Variants in CUX2 observed in about 807,000 individuals in gnomAD.
CUX2 encodes the protein cut like homeobox 2.
CUX2 carries 40 observed loss-of-function variants against 144.8 expected under a neutral mutation model. The observed-to-expected ratio is 0.28, with a 90% CI of 0.21 to 0.36. CUX2 has a LOEUF of 0.36. Among genes scored for constraint, CUX2 ranks in the 10% least tolerant of loss-of-function variants. The pLI is 1.00. For missense variants in CUX2, 1,615 were observed against 1,994.0 expected, an observed-to-expected ratio of 0.81 and a Z score of 3.62; for synonymous variants, 827 against 875.6, an observed-to-expected ratio of 0.94 and a Z score of 0.98.
At position 111,037,080 on chromosome 12, in the gene CUX2, G is replaced by A. The variant is rs1272036083; in HGVS notation, c.63+2840G>A. ...TCTTATAGGGGAGATAGCCAGAAAG[G>A]AGAACTTCTGCCGGCTTTTTCTGAG... On this transcript the variant is annotated intron_variant, in intron 1 of 21. Coordinates refer to ENST00000261726, the MANE Select transcript of CUX2 (RefSeq NM_015267.4). This position sits in a 1 kb window ranked among gnomAD's most constrained non-coding sequence, Gnocchi z 5.4. 6.6e-6 allele frequency among the ~76,000 whole-genome samples: 1 copy of A among 152,200 alleles called. No individual in the cohort carries two copies. Among genetic ancestry groups the A allele is most frequent in the Non-Finnish European group, 1.5e-5 (1 of 68,038 alleles).
chr12:111,320,671 T>C lies in CUX2; in HGVS notation c.2662T>C (p.Tyr888His). The C allele has an allele frequency of 1.3e-6, 2 of 1,597,110 alleles. No individual in the cohort carries two copies. Among genetic ancestry groups the C allele is most frequent in the South Asian group, 1.1e-5 (1 of 90,892 alleles). The change falls in exon 17 of 22, where the codon TAC becomes CAC. Residue 888 changes from tyrosine (Y) to histidine (H), a missense_variant. By Grantham distance (83) the Tyr-to-His change is moderately conservative. Transcript: ENST00000261726. The surrounding 1 kb of genome is among the most constrained non-coding windows in gnomAD (Gnocchi z 8.1). ...CGTGCCGCCGCTGACCCCCGAGCAGTACGAGCTGTACATGTACCGTGAGGT... is the reference window on the plus strand; with the variant it reads ...CGTGCCGCCGCTGACCCCCGAGCAGCACGAGCTGTACATGTACCGTGAGGT... ...PTVPPLTPEQ[Y>H]ELYMYREVDT...
chr12:111,125,445 C>G (rs1424963485), intron 1 of CUX2, among the ~76,000 whole-genome samples: 2 of 152,204 alleles, frequency 1.3e-5, no homozygotes, highest in African/African-American at 4.8e-5. Context: ...TTCCAAAGTC[C>G]TGGGATTGCA....
intron 1 of CUX2, among the ~76,000 whole-genome samples, chr12:111,049,761 C>T (rs2136010533): frequency 6.6e-6 from 1 of 152,318 alleles, no homozygotes; most frequent in East Asian, 1.9e-4. Flanking sequence ...CAGGAAGGAC[C>T]AAGCTCTGTC....
intron 18 of CUX2, among the ~76,000 whole-genome samples, chr12:111,324,399 C>T (rs1230517101): frequency 1.3e-5 from 2 of 151,580 alleles, no homozygotes; most frequent in African/African-American, 2.4e-5. Context: ...GGCAGCCCCC[C>T]AGCTGGGGAG....
chr12:111,056,148 G>A (rs541734677), intron 1 of CUX2, among the ~76,000 whole-genome samples: 2 of 152,330 alleles, frequency 1.3e-5, no homozygotes, highest in South Asian at 2.1e-4. Context: ...CGTTTCTCAT[G>A]CCGGCCTCTT....
intron 1 of CUX2, among the ~76,000 whole-genome samples, chr12:111,203,927 C>T (rs55855342): frequency 2.0e-5 from 3 of 152,228 alleles, no homozygotes; most frequent in African/African-American, 4.8e-5. Flanking sequence ...CTGATGATAC[C>T]TAAGGCAGGC....
intron 1 of CUX2, among the ~76,000 whole-genome samples, chr12:111,159,783 G>A (rs1344114579): frequency 6.6e-6 from 1 of 152,200 alleles, no homozygotes; most frequent in Non-Finnish European, 1.5e-5. Flanking sequence ...CCAGCACTTT[G>A]GGAGGCCAAG....
At chr12:111,274,531 C>T (rs563925412) in intron 4 of CUX2, among the ~76,000 whole-genome samples, 4 of 152,286 alleles carry the variant, frequency 2.6e-5, no homozygotes, top group African/African-American at 9.6e-5. Context: ...GACCCTCATT[C>T]CCAGCCCTCT....
chr12:111,090,175 T>C (rs1872475362), intron 1 of CUX2, among the ~76,000 whole-genome samples: 2 of 152,294 alleles, frequency 1.3e-5, no homozygotes, highest in South Asian at 2.1e-4. Flanking sequence ...TTGTCAGTGC[T>C]GAATTGACAG....
chr12:111,180,652 G>T (rs1445521148), intron 1 of CUX2, among the ~76,000 whole-genome samples: 1 of 152,214 alleles, frequency 6.6e-6, no homozygotes. Flanking sequence ...GGCCTCTGAG[G>T]ATCTGGTGGG....
At position 111,287,290 on chromosome 12, in the gene CUX2, G is replaced by A. The variant is rs1232264551; in HGVS notation, c.302-4128G>A. ...ATGGCCAGCAGGGCCCCTGGGCCACGAGCCGGATCCTCCCCCTCCTTGGAA... is the reference window on the plus strand; with the variant it reads ...ATGGCCAGCAGGGCCCCTGGGCCACAAGCCGGATCCTCCCCCTCCTTGGAA... On this transcript the variant is annotated intron_variant, in intron 4 of 21. Coordinates refer to ENST00000261726, the MANE Select transcript of CUX2 (RefSeq NM_015267.4). The surrounding 1 kb of genome is among the most constrained non-coding windows in gnomAD (Gnocchi z 4.2). 6.6e-6 allele frequency among the ~76,000 whole-genome samples: 1 copy of A among 152,230 alleles called. No homozygotes were observed. The highest frequency in any genetic ancestry group is 1.5e-5 in the Non-Finnish European group (1 of 68,040).
intron 1 of CUX2, among the ~76,000 whole-genome samples, chr12:111,199,284 GC>G (rs1412182912): frequency 2.0e-5 from 3 of 152,196 alleles, no homozygotes; most frequent in Non-Finnish European, 4.4e-5. Context: ...AGCAAGAGCA[GC>G]AAGCAGGATT....
intron 1 of CUX2, among the ~76,000 whole-genome samples, chr12:111,128,435 G>A (rs1239030330): frequency 2.6e-5 from 4 of 152,334 alleles, no homozygotes; most frequent in Admixed American, 2.6e-4. Flanking sequence ...GGCTGGGAGA[G>A]AGAAGGCAGT....
At chr12:111,182,266 T>G (rs1287653402) in intron 1 of CUX2, among the ~76,000 whole-genome samples, 2 of 152,208 alleles carry the variant, frequency 1.3e-5, no homozygotes, top group Non-Finnish European at 2.9e-5. Context: ...GCTCAAAGGT[T>G]GGCACCACTT....
intron 1 of CUX2, among the ~76,000 whole-genome samples, chr12:111,113,108 C>G (rs185586711): frequency 6.6e-6 from 1 of 152,120 alleles, no homozygotes; most frequent in Non-Finnish European, 1.5e-5. Flanking sequence ...AACAAAGACC[C>G]TGAGGCCTGG....
intron 16 of CUX2, among the ~76,000 whole-genome samples, chr12:111,319,484 A>G (rs1469807516): frequency 6.6e-6 from 1 of 151,802 alleles, no homozygotes; most frequent in African/African-American, 2.4e-5. Flanking sequence ...CATGCCTGTC[A>G]TCTCAGCACT....
At chr12:111,223,794 A>AG (rs1265671192) in intron 3 of CUX2, among the ~76,000 whole-genome samples, 3 of 152,156 alleles carry the variant, frequency 2.0e-5, no homozygotes, top group Non-Finnish European at 4.4e-5. Context: ...TTCGCACCTC[A>AG]GGGTGTCAGT....
At chr12:111,337,818 C>T (rs1888417311) in intron 19 of CUX2, among the ~76,000 whole-genome samples, 1 of 152,160 alleles carries the variant, frequency 6.6e-6, no homozygotes, top group South Asian at 2.1e-4. Context: ...GATGGATCAC[C>T]TGAGGTCAGG....
intron 1 of CUX2, among the ~76,000 whole-genome samples, chr12:111,069,541 T>TGC (rs1871171262): frequency 6.6e-6 from 1 of 150,826 alleles, no homozygotes; most frequent in Non-Finnish European, 1.5e-5. Flanking sequence ...TGTGTGTGTG[T>TGC]GTGTGTGTGT....
Sources: allele counts gnomAD v4.1 joint callset (sites outside exome capture counted in the v4.1 genomes callset), GRCh38; gene constraint gnomAD v4.1.1; non-coding constraint Gnocchi (gnomAD v3.1); transcripts MANE v1.5; gene names NCBI Gene and HGNC (gene_info 2026-07-23, HGNC 2026-07-21).